NR2F1-AS1: variants seen among roughly 807,000 people sequenced by gnomAD.
The protein encoded by NR2F1-AS1 is NR2F1 antisense RNA 1.
At chr5:93,458,812 C>T (rs1750011239) in intron 4 of NR2F1-AS1, among the ~76,000 whole-genome samples, 1 of 151,992 alleles carries the variant, frequency 6.6e-6, no homozygotes, top group Non-Finnish European at 1.5e-5. Context: ...GAGTTTGAGA[C>T]CAGCCTGGCC....
chr5:93,582,979 G>C (rs181001952), upstream of NR2F1-AS1, among the ~76,000 whole-genome samples: 96 of 152,212 alleles, frequency 6.3e-4, no homozygotes, highest in African/African-American at 2.2e-3. Flanking sequence ...AAAAGAGGAG[G>C]GGGGAGGGGC....
At chr5:93,491,361 G>C (rs1750845175) in intron 4 of NR2F1-AS1, among the ~76,000 whole-genome samples, 4 of 146,570 alleles carry the variant, frequency 2.7e-5, no homozygotes, top group Non-Finnish European at 6.0e-5. Context: ...GGTGGTAGTG[G>C]TGATGGTGGG....
chr5:93,548,865 C>T (rs533865855), intron 4 of NR2F1-AS1, among the ~76,000 whole-genome samples: 1 of 152,258 alleles, frequency 6.6e-6, no homozygotes, highest in Admixed American at 6.5e-5. Context: ...GAGTGAGAAT[C>T]TGCCTCAAGA....
At chr5:93,500,228 G>A (rs955845974) in intron 4 of NR2F1-AS1, among the ~76,000 whole-genome samples, 6 of 152,182 alleles carry the variant, frequency 3.9e-5, no homozygotes, top group African/African-American at 1.4e-4. Context: ...AGAGGTCAAT[G>A]CCTGACTTTA....
At chr5:93,416,367 C>A in intron 4 of NR2F1-AS1, among the ~76,000 whole-genome samples, 1 of 152,050 alleles carries the variant, frequency 6.6e-6, no homozygotes, top group Non-Finnish European at 1.5e-5. Flanking sequence ...TTTTTTCACC[C>A]TATTTATACA....
chr5:93,521,759 T>C (rs550915433), intron 4 of NR2F1-AS1, among the ~76,000 whole-genome samples: 4 of 152,324 alleles, frequency 2.6e-5, no homozygotes, highest in Non-Finnish European at 4.4e-5. Context: ...TTATGCACTA[T>C]TGGTGGAAAT....
chr5:93,508,201 C>G (rs1751225763), intron 4 of NR2F1-AS1, among the ~76,000 whole-genome samples: 1 of 152,156 alleles, frequency 6.6e-6, no homozygotes, highest in African/African-American at 2.4e-5. Flanking sequence ...TTTATCCTAA[C>G]AGCCATCATC....
chr5:93,526,179 C>T (rs1312998730), intron 4 of NR2F1-AS1, among the ~76,000 whole-genome samples: 1 of 152,074 alleles, frequency 6.6e-6, no homozygotes, highest in East Asian at 1.9e-4. Context: ...GCAATATCAC[C>T]ACTGATCCCA....
intron 4 of NR2F1-AS1, chr5:93,541,803 T>A (rs1438402989): frequency 1.3e-5 from 2 of 151,622 alleles, no homozygotes; most frequent in Non-Finnish European, 2.9e-5. Flanking sequence ...AGGGCAGGAA[T>A]CAAATAAGGA....
At chr5:93,472,995 A>C (rs1184657358) in intron 4 of NR2F1-AS1, among the ~76,000 whole-genome samples, 1 of 151,948 alleles carries the variant, frequency 6.6e-6, no homozygotes, top group Non-Finnish European at 1.5e-5. Context: ...ACCAATATAT[A>C]AAACATATAC....
At chr5:93,505,627 G>A (rs1751170103) in intron 4 of NR2F1-AS1, among the ~76,000 whole-genome samples, 1 of 152,212 alleles carries the variant, frequency 6.6e-6, no homozygotes, top group African/African-American at 2.4e-5. Context: ...ATACCACTGG[G>A]AAGCTGCCAA....
intron 4 of NR2F1-AS1, among the ~76,000 whole-genome samples, chr5:93,456,947 C>T (rs1749961480): frequency 6.6e-6 from 1 of 152,164 alleles, no homozygotes; most frequent in African/African-American, 2.4e-5. Flanking sequence ...CATCTCAATG[C>T]TTTAAAGAGC....
At chr5:93,442,793 T>C (rs1749603112) in intron 4 of NR2F1-AS1, among the ~76,000 whole-genome samples, 1 of 152,118 alleles carries the variant, frequency 6.6e-6, no homozygotes, top group South Asian at 2.1e-4. Flanking sequence ...CACCTCCCAG[T>C]AGGGGCCGAC....
chr5:93,516,148 G>A (rs895754106), intron 4 of NR2F1-AS1, among the ~76,000 whole-genome samples: 6 of 151,896 alleles, frequency 4.0e-5, no homozygotes, highest in African/African-American at 1.2e-4. Flanking sequence ...CAGACAAAAT[G>A]TGTATGTGCA....
At chr5:93,543,529 G>A (rs1481045156) in intron 4 of NR2F1-AS1, 1 of 152,018 alleles carries the variant, frequency 6.6e-6, no homozygotes, top group Non-Finnish European at 1.5e-5. Context: ...TAGTGAACTG[G>A]AGGGCAGATA....
intron 4 of NR2F1-AS1, among the ~76,000 whole-genome samples, chr5:93,486,845 T>C (rs1230221365): frequency 6.6e-6 from 1 of 152,168 alleles, no homozygotes; most frequent in East Asian, 1.9e-4. Flanking sequence ...GTGAAAATCC[T>C]CAATAAAATA....
chr5:93,526,438 C>T (rs1345182383), intron 4 of NR2F1-AS1, among the ~76,000 whole-genome samples: 1 of 152,154 alleles, frequency 6.6e-6, no homozygotes, highest in African/African-American at 2.4e-5. Flanking sequence ...TGGTACCATT[C>T]CTTCTGAGAC....
intron 4 of NR2F1-AS1, among the ~76,000 whole-genome samples, chr5:93,520,147 G>A (rs564601426): frequency 6.6e-6 from 1 of 151,886 alleles, no homozygotes; most frequent in Non-Finnish European, 1.5e-5. Flanking sequence ...TGAACTACAC[G>A]CATACCTATT....
At chr5:93,582,127 CT>C (rs369108738), upstream of NR2F1-AS1, among the ~76,000 whole-genome samples, 216 of 143,508 alleles carry the variant, frequency 1.5e-3, 3 homozygotes, top group African/African-American at 4.9e-3. Context: ...GCCTCCCCCC[CT>C]CTCCATCTTC....
Sources: gnomAD v4.1 joint callset for allele counts (sites outside exome capture counted in the v4.1 genomes callset) on GRCh38, gnomAD v4.1.1 for gene constraint, MANE v1.5 for transcripts, NCBI Gene and HGNC (gene_info 2026-07-23, HGNC 2026-07-21) for gene names.